The following AGAP1 variants were observed in gnomAD, a reference collection of about 807,000 sequenced individuals.
The protein encoded by AGAP1 is ArfGAP with GTPase domain, ankyrin repeat and PH domain 1, also known as arf-GAP with GTPase, ANK repeat and PH domain-containing protein 1.
Under a neutral mutation model 105.3 loss-of-function variants are expected in AGAP1, and 29 were observed. The ratio of observed to expected loss-of-function variants is 0.28; its 90% CI spans 0.21 to 0.38. The LOEUF (loss-of-function observed/expected upper bound fraction) is 0.38, where lower values mean the gene tolerates loss of function less well. Ranked by LOEUF, AGAP1 falls within the 10% of genes least tolerant of loss-of-function variation. The probability of loss-of-function intolerance (pLI) is 1.00; values close to 1 mark genes in which losing one functional copy is unlikely to be tolerated. For missense variants in AGAP1, 998 were observed against 1,165.1 expected, an observed-to-expected ratio of 0.86 and a Z score of 2.09; for synonymous variants, 509 against 485.9, an observed-to-expected ratio of 1.05 and a Z score of -0.63.
intron 1 of AGAP1, among the ~76,000 whole-genome samples, chr2:235,519,146 C>T (rs1559218820): frequency 6.6e-6 from 1 of 152,172 alleles, no homozygotes; most frequent in Admixed American, 6.5e-5. Flanking sequence ...AATCGTAGCT[C>T]ACCATAACCT....
chr2:236,019,275 G>T (rs999633203), intron 13 of AGAP1, among the ~76,000 whole-genome samples: 4 of 152,152 alleles, frequency 2.6e-5, no homozygotes, highest in Non-Finnish European at 5.9e-5. Flanking sequence ...AGAGGGTAAG[G>T]GTGCACCCGC....
At chr2:236,032,951 A>G (rs1352296767) in intron 13 of AGAP1, among the ~76,000 whole-genome samples, 1 of 152,190 alleles carries the variant, frequency 6.6e-6, no homozygotes, top group African/African-American at 2.4e-5. Context: ...ATAGATTTTT[A>G]AAGTGAGTGA....
At position 235,884,697 on chromosome 2, in the gene AGAP1, G is replaced by A. The variant is rs183646856; in HGVS notation, c.1155+1248G>A. ...TTGAACTCCTGACCTCAAGAAATCC[G>A]CCTGCCTCGGCCTCCCAAAATGCTG... On this transcript the variant is annotated intron_variant, in intron 10 of 17. Coordinates refer to ENST00000304032, the MANE Select transcript of AGAP1 (RefSeq NM_001037131.3). Among the ~76,000 whole-genome samples, 354 of 151,994 alleles carry A rather than the reference G, an allele frequency of 2.3e-3. 1 individual carries two copies. The highest frequency in any genetic ancestry group is 7.4e-3 in the African/African-American group (306 of 41,464).
At position 235,633,702 on chromosome 2, in the gene AGAP1, A is replaced by G. The variant is rs1282076860; in HGVS notation, c.164-75477A>G. ...TGTGTAACATTTCTTCCTCTCGGGT[A>G]TGGGATGGGACCCCTCTGGAATGAG... On this transcript the variant is annotated intron_variant, in intron 1 of 17. Transcript: ENST00000304032. The surrounding 1 kb of genome is among the most constrained non-coding windows in gnomAD (Gnocchi z 4.8). Among the ~76,000 whole-genome samples the G allele has an allele frequency of 6.6e-6, 1 of 152,140 alleles. No homozygotes were observed. The highest frequency in any genetic ancestry group is 1.5e-5 in the Non-Finnish European group (1 of 68,024).
intron 11 of AGAP1, among the ~76,000 whole-genome samples, chr2:235,918,272 C>T (rs763328996): frequency 1.3e-5 from 2 of 152,236 alleles, no homozygotes; most frequent in Non-Finnish European, 2.9e-5. Context: ...GGAAGCCTTA[C>T]TGGTCGAGAA....
Position 235,960,883 on chromosome 2 carries a change from G to T in AGAP1, c.1484-7579G>T, listed in dbSNP as rs974564913. 2.6e-4 allele frequency among the ~76,000 whole-genome samples: 40 copies of T among 152,290 alleles called. No homozygotes were observed. Among genetic ancestry groups the T allele is most frequent in the African/African-American group, 9.6e-4 (40 of 41,564 alleles). Reference sequence around the variant, plus strand: ...ATGGTTGGAAACTCATAGGACAGTGGTTTGGCACAAAAGCGTGCTTGTGGC... The same window carrying T: ...ATGGTTGGAAACTCATAGGACAGTGTTTTGGCACAAAAGCGTGCTTGTGGC... On this transcript the variant is annotated intron_variant, in intron 12 of 17. Coordinates refer to ENST00000304032, the MANE Select transcript of AGAP1 (RefSeq NM_001037131.3). This position sits in a 1 kb window ranked among gnomAD's most constrained non-coding sequence, Gnocchi z 4.9.
intron 1 of AGAP1, among the ~76,000 whole-genome samples, chr2:235,682,467 C>T (rs1046758260): frequency 7.2e-5 from 11 of 152,060 alleles, no homozygotes; most frequent in Admixed American, 1.3e-4. Context: ...CTCAGCCTCT[C>T]GAGTAGCTGG....
intron 12 of AGAP1, among the ~76,000 whole-genome samples, chr2:235,955,758 CATA>C (rs1245914859): frequency 6.6e-6 from 1 of 152,152 alleles, no homozygotes; most frequent in African/African-American, 2.4e-5. Flanking sequence ...TTTCTAACCA[CATA>C]ATGTCAGTAG....
chr2:235,870,314 C>T (rs2049374981), intron 9 of AGAP1, among the ~76,000 whole-genome samples: 1 of 152,154 alleles, frequency 6.6e-6, no homozygotes, highest in African/African-American at 2.4e-5. Flanking sequence ...GCAGTGGTGA[C>T]TCAGGAACAG....
Position 235,569,322 on chromosome 2 carries a change from A to G in AGAP1, c.163+74473A>G, listed in dbSNP as rs1944445438. ...AGAGCGAGACACCATCTCAAAAAAA[A>G]GGATCTTGGAGGAAGTACATGACCC... On this transcript the variant is annotated intron_variant, in intron 1 of 17. Coordinates refer to ENST00000304032, the MANE Select transcript of AGAP1 (RefSeq NM_001037131.3). The surrounding 1 kb of genome is among the most constrained non-coding windows in gnomAD (Gnocchi z 5.9). 6.6e-6 allele frequency among the ~76,000 whole-genome samples: 1 copy of G among 152,120 alleles called. No individual in the cohort carries two copies. The highest frequency in any genetic ancestry group is 2.1e-4 in the South Asian group (1 of 4,810).
intron 16 of AGAP1, among the ~76,000 whole-genome samples, chr2:236,064,606 A>G (rs952961559): frequency 1.3e-5 from 2 of 152,162 alleles, no homozygotes; most frequent in Admixed American, 6.5e-5. Context: ...AAAACTAAAT[A>G]AATAACAAAA....
chr2:235,883,270 T>A lies in AGAP1; in HGVS notation c.1051-75T>A. ...TGCACACACACAGAACTTGAATGTA[T>A]ATGTTGCCTGTGTACCTGCCTTTTC... On this transcript the variant is annotated intron_variant, in intron 9 of 17. Coordinates refer to ENST00000304032, the MANE Select transcript of AGAP1 (RefSeq NM_001037131.3). This position sits in a 1 kb window ranked among gnomAD's most constrained non-coding sequence, Gnocchi z 4.5. 1 of 1,267,386 alleles carries A rather than the reference T, an allele frequency of 7.9e-7. No homozygotes were observed. Among genetic ancestry groups the A allele is most frequent in the Non-Finnish European group, 1.1e-6 (1 of 874,608 alleles). The allele number at this position is 1,267,386 out of a possible 1,614,324, so 78.5% of individuals were successfully genotyped here. A position where few individuals can be genotyped will look rare whatever the true frequency, so the allele number is the denominator to read the frequency against.
rs2058823191 is a variant in AGAP1, at chr2:236,082,920, C to T, written c.2114+33639C>T. 6.6e-6 allele frequency among the ~76,000 whole-genome samples: 1 copy of T among 151,950 alleles called. No homozygotes were observed. Among genetic ancestry groups the T allele is most frequent in the Non-Finnish European group, 1.5e-5 (1 of 67,998 alleles). ...CCTGTAATCCCAGCACTCTGGGAGG[C>T]CGAGGTGGCCGGATCACCTGAGGTC... On this transcript the variant is annotated intron_variant, in intron 16 of 17. Coordinates refer to ENST00000304032, the MANE Select transcript of AGAP1 (RefSeq NM_001037131.3). This position sits in a 1 kb window ranked among gnomAD's most constrained non-coding sequence, Gnocchi z 4.2.
intron 16 of AGAP1, among the ~76,000 whole-genome samples, chr2:236,060,284 TA>T (rs1331065869): frequency 6.6e-6 from 1 of 152,156 alleles, no homozygotes; most frequent in Non-Finnish European, 1.5e-5. Flanking sequence ...TTAGCCAAAT[TA>T]AAAATTTTAG....
chr2:235,622,709 C>CA lies in AGAP1; in HGVS notation c.164-86469dup, dbSNP rs1946523716. Reference sequence around the variant, plus strand: ...CAGAGGTGCTGTGGATCACTTGGACCACGGTAGCTAATGTTTGTAGCGCGC... The same window carrying CA: ...CAGAGGTGCTGTGGATCACTTGGACCAACGGTAGCTAATGTTTGTAGCGCGC... On this transcript the variant is annotated intron_variant, in intron 1 of 17. Transcript: ENST00000304032. This position sits in a 1 kb window ranked among gnomAD's most constrained non-coding sequence, Gnocchi z 5.0. Among the ~76,000 whole-genome samples the CA allele has an allele frequency of 6.6e-6, 1 of 151,974 alleles. No homozygotes were observed. Among genetic ancestry groups the CA allele is most frequent in the South Asian group, 2.1e-4 (1 of 4,790 alleles).
intron 3 of AGAP1, among the ~76,000 whole-genome samples, chr2:235,735,687 CAT>C (rs1241666620): frequency 1.3e-5 from 2 of 152,116 alleles, no homozygotes; most frequent in African/African-American, 4.8e-5. Flanking sequence ...TTCCACCTTC[CAT>C]ATACTTTTCT....
At chr2:235,670,216 G>A in intron 1 of AGAP1, 1 of 572,180 alleles carries the variant, frequency 1.7e-6, no homozygotes, top group Non-Finnish European at 3.2e-6. Context: ...TCAGGAAGGA[G>A]CAGCTGGCCG....
intron 16 of AGAP1, among the ~76,000 whole-genome samples, chr2:236,071,084 C>T (rs776567116): frequency 4.7e-4 from 71 of 152,362 alleles, no homozygotes; most frequent in Non-Finnish European, 1.0e-3. Flanking sequence ...AGGAAGCCCA[C>T]GGCTTTGCCG....
At position 235,586,181 on chromosome 2, in the gene AGAP1, T is replaced by TTG. The variant is rs1945104390; in HGVS notation, c.163+91341_163+91342dup. On this transcript the variant is annotated intron_variant, in intron 1 of 17. Transcript: ENST00000304032. The surrounding 1 kb of genome is among the most constrained non-coding windows in gnomAD (Gnocchi z 4.2). ...TGTCTCCGTGTAAGTCAACACTACC[T>TTG]TGTGTGTGTGCGCATACACACAAAG... 6.6e-6 allele frequency among the ~76,000 whole-genome samples: 1 copy of TTG among 152,196 alleles called. No individual in the cohort carries two copies. The highest frequency in any genetic ancestry group is 1.5e-5 in the Non-Finnish European group (1 of 68,036).
Sources: gnomAD v4.1 joint callset for allele counts (sites outside exome capture counted in the v4.1 genomes callset) on GRCh38, gnomAD v4.1.1 for gene constraint, Gnocchi (gnomAD v3.1) non-coding constraint, MANE v1.5 for transcripts, NCBI Gene and HGNC (gene_info 2026-07-23, HGNC 2026-07-21) for gene names.